Variants in SLC30A7 observed in about 807,000 individuals in gnomAD.
SLC30A7 encodes zinc transporter 7.
In SLC30A7, 35 loss-of-function variants were observed where a neutral mutation model predicts 46.0. That is an observed-to-expected ratio of 0.76 (90% CI 0.58 to 1.01). The LOEUF is 1.01. Ranked by LOEUF, SLC30A7 falls within the 50% of genes least tolerant of loss-of-function variation. The pLI is 0.00. For synonymous variants in SLC30A7, 147 were observed against 157.8 expected (o/e 0.93, Z 0.51); for missense variants, 464 against 451.1 (o/e 1.03, Z -0.26).
intron 8 of SLC30A7, among the ~76,000 whole-genome samples, chr1:100,928,771 A>G (rs1247719471): frequency 6.6e-6 from 1 of 152,202 alleles, no homozygotes; most frequent in African/African-American, 2.4e-5. Context: ...CAGAGGTCAC[A>G]TAACCACTGT....
intron 8 of SLC30A7, among the ~76,000 whole-genome samples, chr1:100,950,365 T>C (rs1654890237): frequency 6.6e-6 from 1 of 152,246 alleles, no homozygotes. Context: ...TTTTGTATTT[T>C]AGGTAATCAG....
At chr1:100,937,091 A>G (rs1383076673) in intron 8 of SLC30A7, among the ~76,000 whole-genome samples, 2 of 152,178 alleles carry the variant, frequency 1.3e-5, no homozygotes, top group African/African-American at 2.4e-5. Flanking sequence ...TTAGCATTTT[A>G]CATGTTCTTA....
intron 10 of SLC30A7, among the ~76,000 whole-genome samples, chr1:100,973,794 A>G (rs974438934): frequency 9.2e-5 from 14 of 152,152 alleles, no homozygotes; most frequent in African/African-American, 3.4e-4. Flanking sequence ...GGAAGCCAAA[A>G]GGGAAAATAT....
chr1:100,943,509 T>G (rs1654466729), intron 8 of SLC30A7, among the ~76,000 whole-genome samples: 1 of 152,208 alleles, frequency 6.6e-6, no homozygotes. Context: ...ATTGATTAAT[T>G]GGCCATTGGT....
At chr1:100,941,997 C>T (rs1354849686) in intron 8 of SLC30A7, 2 of 239,130 alleles carry the variant, frequency 8.4e-6, no homozygotes, top group Non-Finnish European at 1.6e-5. Context: ...TGCGACGTGA[C>T]GGCAGTGGGA....
intron 9 of SLC30A7, among the ~76,000 whole-genome samples, chr1:100,962,777 C>G (rs1252534872): frequency 6.6e-6 from 1 of 152,060 alleles, no homozygotes; most frequent in African/African-American, 2.4e-5. Context: ...CATATTCTAG[C>G]GAGGATGAAA....
rs546367004 is a variant in SLC30A7 at position 100,971,242 on chromosome 1, C to T, written c.1084-3568C>T. ...CTTCCTGTGGCTTTATCTAACTTTG[C>T]TCTGTCTTCTTGAGGGAGGGGGTAC... On this transcript the variant is annotated intron_variant, in intron 10 of 10. Transcript: ENST00000357650. 2.6e-5 allele frequency among the ~76,000 whole-genome samples: 4 copies of T among 152,252 alleles called. No homozygotes were observed. In the East Asian group the frequency reaches 7.7e-4, roughly 29 times the overall value.
intron 8 of SLC30A7, chr1:100,941,764 A>G: frequency 1.6e-6 from 1 of 625,832 alleles, no homozygotes; most frequent in Non-Finnish European, 3.0e-6. Flanking sequence ...TACCTCCTCC[A>G]CAGTGGCATA....
chr1:100,975,974 T>C lies in SLC30A7; in HGVS notation c.*1117T>C, dbSNP rs1357472945. On this transcript the variant is annotated 3_prime_UTR_variant, in exon 11 of 11. Coordinates refer to ENST00000357650, the MANE Select transcript of SLC30A7 (RefSeq NM_133496.5). The stretch of plus-strand genomic sequence containing the variant: ...TGGATATATGAACATTTTTCTTTTA[T>C]TGTTTTATCTTCACAGAAAATAAAA... 1 of 152,606 alleles carries C rather than the reference T, an allele frequency of 6.6e-6. No homozygotes were observed. The highest frequency in any genetic ancestry group is 6.5e-5 in the Admixed American group (1 of 15,276). The allele number at this position is 152,606 out of a possible 1,614,324, so 9.5% of individuals were successfully genotyped here.
chr1:100,983,397 A>C (rs1357167705), downstream of SLC30A7, among the ~76,000 whole-genome samples: 122 of 123,096 alleles, frequency 9.9e-4, 1 homozygote, highest in African/African-American at 3.1e-3. Flanking sequence ...AAAACAAAAC[A>C]AAACAAAACA....
At position 100,957,272 on chromosome 1, in the gene SLC30A7, T is replaced by C. The variant is rs1369757837; in HGVS notation, c.843-4556T>C. On this transcript the variant is annotated intron_variant, in intron 8 of 10. Coordinates refer to ENST00000357650, the MANE Select transcript of SLC30A7 (RefSeq NM_133496.5). ...ATATATAGTAGTAGATCCTTAATAA[T>C]CGCTTAATATTGATTGCTTAATAAA... is the stretch of plus-strand genomic sequence containing the variant. 2.6e-5 allele frequency among the ~76,000 whole-genome samples: 4 copies of C among 152,242 alleles called. No individual in the cohort carries two copies. In the East Asian group the frequency reaches 7.7e-4, roughly 29 times the overall value.
chr1:100,990,485 G>A, the SLC30A7 span: 2 of 1,614,032 alleles, frequency 1.2e-6, no homozygotes, highest in South Asian at 1.1e-5. Context: ...ATCTCCATTG[G>A]ATGTATGCTG....
intron 8 of SLC30A7, among the ~76,000 whole-genome samples, chr1:100,960,971 T>TA (rs1655512643): frequency 9.4e-6 from 1 of 106,810 alleles, no homozygotes; most frequent in East Asian, 2.9e-4. Flanking sequence ...TTTTTTTTTT[T>TA]AGACGGAGAG....
At position 100,908,167 on chromosome 1, in the gene SLC30A7, T is replaced by G. The variant is rs115967189; in HGVS notation, c.296+1202T>G. The stretch of plus-strand genomic sequence containing the variant: ...TCCTTTTTACAGCCATCTTCTTTCA[T>G]GTACTGTCTCTTAGGCCTCTTGTTA... On this transcript the variant is annotated intron_variant, in intron 3 of 10. Transcript: ENST00000357650. Among the ~76,000 whole-genome samples the G allele has an allele frequency of 8.0e-3, 1,219 of 152,194 alleles. 13 individuals are homozygous for G. The highest frequency in any genetic ancestry group is 0.028 in the African/African-American group (1,156 of 41,520).
the SLC30A7 span, chr1:100,995,057 G>C: frequency 1.6e-6 from 2 of 1,282,954 alleles, no homozygotes; most frequent in Middle Eastern, 3.7e-4. Flanking sequence ...AGAATGTATT[G>C]AATTGTTCAA....
Position 100,954,699 on chromosome 1 carries a change from A to G in SLC30A7, c.843-7129A>G, listed in dbSNP as rs74766519. On this transcript the variant is annotated intron_variant, in intron 8 of 10. Transcript: ENST00000357650. ...GGTTTCAGAAACACAGTATAATTAT[A>G]AAGTAAAGCACAATCCCAGGTGATA... 1.1e-4 allele frequency among the ~76,000 whole-genome samples: 17 copies of G among 152,256 alleles called. No homozygotes were observed. In the East Asian group the frequency reaches 2.9e-3, roughly 26 times the overall value.
chr1:100,935,605 G>A (rs1653921180), intron 8 of SLC30A7, among the ~76,000 whole-genome samples: 1 of 152,162 alleles, frequency 6.6e-6, no homozygotes, highest in African/African-American at 2.4e-5. Context: ...CTTTATATGA[G>A]GTTTTTAAAG....
intron 9 of SLC30A7, among the ~76,000 whole-genome samples, chr1:100,964,714 T>C (rs1424424600): frequency 3.3e-5 from 5 of 152,150 alleles, no homozygotes; most frequent in Admixed American, 3.3e-4. Context: ...CTGCCACATA[T>C]GGAAGTAGGA....
chr1:100,946,096 C>T (rs561235961), intron 8 of SLC30A7, among the ~76,000 whole-genome samples: 9 of 152,114 alleles, frequency 5.9e-5, no homozygotes, highest in East Asian at 1.9e-4. Context: ...TGTCTGTTAT[C>T]GGTGTATAGG....
Sources: allele counts gnomAD v4.1 joint callset (sites outside exome capture counted in the v4.1 genomes callset), GRCh38; gene constraint gnomAD v4.1.1; transcripts MANE v1.5; gene names NCBI Gene and HGNC (gene_info 2026-07-23, HGNC 2026-07-21).